The following ANKMY1 variants were observed in gnomAD, a reference collection of about 807,000 sequenced individuals.
ANKMY1 encodes ankyrin repeat and MYND domain-containing protein 1.
In ANKMY1, 98 loss-of-function variants were observed where a neutral mutation model predicts 102.0. That is an observed-to-expected ratio of 0.96 (90% confidence interval 0.82 to 1.14). The LOEUF (loss-of-function observed/expected upper bound fraction) is 1.14. ANKMY1 is among the 50% of genes most tolerant of loss of function. The pLI is 0.00. For missense variants in ANKMY1, 1,330 were observed against 1,347.6 expected, an observed-to-expected ratio of 0.99 and a Z score of 0.20; for synonymous variants, 582 against 559.9, an observed-to-expected ratio of 1.04 and a Z score of -0.56.
At chr2:240,490,310 T>G (rs1341904000) in intron 15 of ANKMY1, among the ~76,000 whole-genome samples, 2 of 152,192 alleles carry the variant, frequency 1.3e-5, no homozygotes, top group African/African-American at 4.8e-5. Context: ...CTTCTAATTT[T>G]GGATTTGATT....
chr2:240,507,546 C>A lies in ANKMY1; in HGVS notation c.2526+14G>T, dbSNP rs1217166152. 5.0e-6 allele frequency: 8 copies of A among 1,599,756 alleles called. No homozygotes were observed. In the South Asian group the frequency reaches 8.0e-5, roughly 16 times the overall value. On this transcript the variant is annotated intron_variant, in intron 13 of 17. Transcript: ENST00000401804. ...ACCCCCTCACCAGGGCCACCCCAGC[C>A]TCCTGCCCCTCACCAGGGCCAGCTT...
At chr2:240,543,901 C>T (rs2089647554) in intron 4 of ANKMY1, among the ~76,000 whole-genome samples, 1 of 152,122 alleles carries the variant, frequency 6.6e-6, no homozygotes, top group Non-Finnish European at 1.5e-5. Context: ...AAAATGCTAA[C>T]ATCTGATAGT....
At chr2:240,560,768 C>T (rs2125420793), upstream of ANKMY1, 2 of 1,464,814 alleles carry the variant, frequency 1.4e-6, no homozygotes, top group East Asian at 3.0e-5. Context: ...CACTCTTCCT[C>T]GGGAGCGCGC....
Position 240,520,545 on chromosome 2 carries a change from G to C in ANKMY1, c.1833-12C>G. 3 of 1,606,668 alleles carry C rather than the reference G, an allele frequency of 1.9e-6. No individual in the cohort carries two copies. Among genetic ancestry groups the C allele is most frequent in the Non-Finnish European group, 2.6e-6 (3 of 1,176,146 alleles). On this transcript the variant is annotated splice_polypyrimidine_tract_variant and intron_variant, in intron 8 of 17. Coordinates refer to ENST00000401804, the MANE Select transcript of ANKMY1 (RefSeq NM_001282771.3). The surrounding 1 kb of genome is among the most constrained non-coding windows in gnomAD (Gnocchi z 4.8). Reference sequence around the variant, plus strand: ...AGCGCTTCCTCCGCCTGAAAAAGACGGTGCGCCCGTGGGCCCCTGGAGGGC... The same window carrying C: ...AGCGCTTCCTCCGCCTGAAAAAGACCGTGCGCCCGTGGGCCCCTGGAGGGC...
intron 8 of ANKMY1, chr2:240,521,929 A>C (rs543892705): frequency 1.3e-5 from 2 of 152,238 alleles, no homozygotes; most frequent in African/African-American, 2.4e-5. Context: ...GGTGATGCGG[A>C]CCAAAAAGTG....
chr2:240,491,490 G>T (rs2076649196), intron 15 of ANKMY1, among the ~76,000 whole-genome samples: 1 of 152,036 alleles, frequency 6.6e-6, no homozygotes. Context: ...TTCCTCCTTT[G>T]TATAACTGCT....
At chr2:240,553,327 G>A in intron 3 of ANKMY1, 1 of 454,064 alleles carries the variant, frequency 2.2e-6, no homozygotes, top group South Asian at 2.3e-5. Flanking sequence ...TAGACATCCT[G>A]AGTCAGGAGA....
intron 3 of ANKMY1, chr2:240,554,303 G>A (rs2092013010): frequency 6.6e-6 from 1 of 152,400 alleles, no homozygotes; most frequent in East Asian, 1.9e-4. Flanking sequence ...TGGGCAGATG[G>A]AACAAGGTCA....
chr2:240,531,820 CTA>C (rs2085460302), intron 4 of ANKMY1, among the ~76,000 whole-genome samples: 1 of 152,160 alleles, frequency 6.6e-6, no homozygotes, highest in South Asian at 2.1e-4. Flanking sequence ...AGTGAAATGA[CTA>C]TATGCATTTG....
rs1166326058 is a variant in ANKMY1, at chr2:240,554,988, T to G, written c.214A>C (p.Arg72=). Residue 72 remains arginine, a synonymous_variant, in exon 3 of 18, where the codon AGG becomes CGG. Transcript: ENST00000401804. The part of the protein sequence containing the change: ...AEGPLRAQDL[R]ESYIQLVQGV... ...TGGACGAGCTGGATGTAGGACTCCC[T>G]CAGGTCCTGCGCCCTCAGCGGGCCC... is the stretch of plus-strand genomic sequence containing the variant. 6.2e-7 allele frequency: 1 copy of G among 1,614,206 alleles called. No homozygotes were observed. Among genetic ancestry groups the G allele is most frequent in the East Asian group, 2.2e-5 (1 of 44,892 alleles).
At chr2:240,469,099 C>T in the ANKMY1 span, among the ~76,000 whole-genome samples, 1 of 152,162 alleles carries the variant, frequency 6.6e-6, no homozygotes, top group Admixed American at 6.5e-5. Flanking sequence ...TCATCAGCGG[C>T]TGTAGTTGTG....
chr2:240,560,873 G>T, upstream of ANKMY1: 1 of 1,419,472 alleles, frequency 7.0e-7, no homozygotes, highest in South Asian at 1.3e-5. Flanking sequence ...CGCCCGGCGT[G>T]GCAGAGCTGC....
At chr2:240,474,558 T>C (rs560743645), downstream of ANKMY1, among the ~76,000 whole-genome samples, 3 of 152,198 alleles carry the variant, frequency 2.0e-5, no homozygotes, top group Non-Finnish European at 1.5e-5. Flanking sequence ...TTCTAATCTC[T>C]CCAACCTCTT....
Position 240,520,311 on chromosome 2 carries a change from G to T in ANKMY1, c.2004+51C>A. On this transcript the variant is annotated intron_variant, in intron 9 of 17. Coordinates refer to ENST00000401804, the MANE Select transcript of ANKMY1 (RefSeq NM_001282771.3). The surrounding 1 kb of genome is among the most constrained non-coding windows in gnomAD (Gnocchi z 4.8). ...TGGAGCGAGGAGCTTCCCGGCCAGT[G>T]CCCGGGAGTCTGCTGCGCTCGTCCC... The T allele has an allele frequency of 4.0e-6, 6 of 1,498,204 alleles. No homozygotes were observed. The highest frequency in any genetic ancestry group is 5.4e-6 in the Non-Finnish European group (6 of 1,117,734). The allele number at this position is 1,498,204 out of a possible 1,614,324, so 92.8% of individuals were successfully genotyped here.
downstream of ANKMY1, among the ~76,000 whole-genome samples, chr2:240,477,639 G>A (rs955876578): frequency 3.9e-5 from 6 of 152,006 alleles, no homozygotes; most frequent in Non-Finnish European, 8.8e-5. Context: ...CGCCTGCCTC[G>A]GCCTCCCAAG....
chr2:240,470,610 CA>C, the ANKMY1 span, among the ~76,000 whole-genome samples: 9 of 151,902 alleles, frequency 5.9e-5, no homozygotes, highest in African/African-American at 2.2e-4. Flanking sequence ...TGGGAAAGCA[CA>C]AAAAAAGAGC....
chr2:240,526,858 G>C (rs1022106340), intron 5 of ANKMY1: 11 of 1,162,280 alleles, frequency 9.5e-6, no homozygotes, highest in Non-Finnish European at 1.2e-5. Context: ...ATCCATTTTT[G>C]TCTGAGTAGA....
chr2:240,517,492 G>C (rs531169012), intron 9 of ANKMY1, among the ~76,000 whole-genome samples: 3 of 152,254 alleles, frequency 2.0e-5, no homozygotes, highest in South Asian at 4.1e-4. Context: ...TTCCCGCAAA[G>C]CCAACTTAGG....
upstream of ANKMY1, among the ~76,000 whole-genome samples, chr2:240,559,244 A>C: frequency 6.6e-6 from 1 of 152,122 alleles, no homozygotes; most frequent in East Asian, 1.9e-4. Flanking sequence ...CAGAAAACCC[A>C]CCTCAACCAT....
Sources: gnomAD v4.1 joint callset for allele counts (sites outside exome capture counted in the v4.1 genomes callset) on GRCh38, gnomAD v4.1.1 for gene constraint, Gnocchi (gnomAD v3.1) non-coding constraint, MANE v1.5 for transcripts, NCBI Gene and HGNC (gene_info 2026-07-23, HGNC 2026-07-21) for gene names.